PTPRN2: variants seen among roughly 807,000 people sequenced by gnomAD.
The protein encoded by PTPRN2 is receptor-type tyrosine-protein phosphatase N2.
In PTPRN2, 74 loss-of-function variants were observed where a neutral mutation model predicts 118.8. The ratio of observed to expected loss-of-function variants is 0.62; its 90% CI spans 0.52 to 0.76. The LOEUF is 0.76. Ranked by LOEUF, PTPRN2 falls within the 30% of genes least tolerant of loss-of-function variation. PTPRN2 has a pLI of 0.00. For missense variants in PTPRN2, 1,481 were observed against 1,394.4 expected (o/e 1.06, Z -0.99); for synonymous variants, 641 against 608.0 (o/e 1.05, Z -0.80).
chr7:157,791,940 C>T (rs895228339), intron 12 of PTPRN2, among the ~76,000 whole-genome samples: 2 of 152,206 alleles, frequency 1.3e-5, no homozygotes, highest in African/African-American at 4.8e-5. Context: ...AAAATATGTG[C>T]GGCTTTTCCT....
intron 1 of PTPRN2, among the ~76,000 whole-genome samples, chr7:158,511,043 G>A (rs1035024142): frequency 2.0e-5 from 3 of 152,222 alleles, no homozygotes; most frequent in African/African-American, 7.2e-5. Flanking sequence ...ATTTGAATTT[G>A]TTTTTCTCAA....
At chr7:158,469,305 G>T (rs1407582850) in intron 2 of PTPRN2, among the ~76,000 whole-genome samples, 1 of 152,154 alleles carries the variant, frequency 6.6e-6, no homozygotes, top group African/African-American at 2.4e-5. Context: ...GCCAGTGGTG[G>T]TGGCAGGCAC....
At chr7:157,588,093 G>C (rs908388536) in intron 17 of PTPRN2, among the ~76,000 whole-genome samples, 5 of 152,196 alleles carry the variant, frequency 3.3e-5, no homozygotes, top group African/African-American at 1.2e-4. Flanking sequence ...TGTCACATCT[G>C]CAGACATCCA....
chr7:157,857,060 G>A (rs2151219310), intron 12 of PTPRN2, among the ~76,000 whole-genome samples: 1 of 151,958 alleles, frequency 6.6e-6, no homozygotes, highest in South Asian at 2.1e-4. Context: ...CGCCATGAGT[G>A]GGAGTCACAG....
intron 3 of PTPRN2, among the ~76,000 whole-genome samples, chr7:158,277,188 G>A (rs1217269682): frequency 6.6e-6 from 1 of 152,224 alleles, no homozygotes; most frequent in Non-Finnish European, 1.5e-5. Context: ...TCACGTCGCA[G>A]TGGATTTCTC....
chr7:158,411,597 CA>C (rs1814094150), intron 2 of PTPRN2, among the ~76,000 whole-genome samples: 1 of 152,202 alleles, frequency 6.6e-6, no homozygotes, highest in Non-Finnish European at 1.5e-5. Flanking sequence ...AGTCAGAGGG[CA>C]GCATCAGAAC....
intron 2 of PTPRN2, among the ~76,000 whole-genome samples, chr7:158,340,550 G>A (rs189542083): frequency 3.1e-5 from 3 of 95,490 alleles, no homozygotes; most frequent in South Asian, 3.8e-4. Flanking sequence ...GCCCGCAGAG[G>A]TCACTCACAC....
intron 11 of PTPRN2, among the ~76,000 whole-genome samples, chr7:157,982,005 CAAG>C (rs1563295339): frequency 7.1e-6 from 1 of 141,504 alleles, no homozygotes; most frequent in African/African-American, 2.6e-5. Flanking sequence ...GTCATAGAGA[CAAG>C]GAGGGGAATG....
At chr7:158,177,165 A>G (rs1824282705) in intron 5 of PTPRN2, among the ~76,000 whole-genome samples, 1 of 152,196 alleles carries the variant, frequency 6.6e-6, no homozygotes, top group South Asian at 2.1e-4. Context: ...TTAGCCTTTA[A>G]GCAGCTTCCA....
chr7:157,596,444 G>T lies in PTPRN2; in HGVS notation c.2419-1129C>A, dbSNP rs1320842784. ...TGCTAGCTCCAATGGGAGAAGGTTG[G>T]CTTAGAAGACCATAATTATTACATT... On this transcript the variant is annotated intron_variant, in intron 16 of 22. Coordinates refer to ENST00000389418, the MANE Select transcript of PTPRN2 (RefSeq NM_002847.5). The surrounding 1 kb of genome is among the most constrained non-coding windows in gnomAD (Gnocchi z 4.2). Among the ~76,000 whole-genome samples the T allele has an allele frequency of 2.0e-5, 3 of 152,210 alleles. No individual in the cohort carries two copies. Among genetic ancestry groups the T allele is most frequent in the African/African-American group, 7.2e-5 (3 of 41,456 alleles).
intron 13 of PTPRN2, among the ~76,000 whole-genome samples, chr7:157,675,373 C>G (rs373854530): frequency 6.6e-6 from 1 of 152,182 alleles, no homozygotes; most frequent in Non-Finnish European, 1.5e-5. Flanking sequence ...AAGACCTGAC[C>G]TTACCCCCCA....
intron 4 of PTPRN2, among the ~76,000 whole-genome samples, chr7:158,192,879 G>A (rs1009220877): frequency 6.6e-6 from 1 of 152,210 alleles, no homozygotes; most frequent in Non-Finnish European, 1.5e-5. Context: ...GGCATGGGGG[G>A]CCCAAGGCTT....
chr7:158,149,556 C>A (rs528601454), intron 6 of PTPRN2, among the ~76,000 whole-genome samples: 1 of 152,014 alleles, frequency 6.6e-6, no homozygotes, highest in South Asian at 2.1e-4. Context: ...GTAATCCCAG[C>A]ACTTTGGGGT....
chr7:158,482,425 G>A (rs911030551), intron 2 of PTPRN2, among the ~76,000 whole-genome samples: 5 of 152,136 alleles, frequency 3.3e-5, no homozygotes, highest in East Asian at 1.9e-4. Context: ...AAGCAACCAC[G>A]GCCCTGATCA....
At chr7:158,040,727 T>A (rs1563353003) in intron 11 of PTPRN2, among the ~76,000 whole-genome samples, 6 of 112,578 alleles carry the variant, frequency 5.3e-5, no homozygotes, top group Middle Eastern at 3.8e-3. Flanking sequence ...TGCCTTTCTT[T>A]TTTTCTTTCT....
intron 2 of PTPRN2, among the ~76,000 whole-genome samples, chr7:158,321,423 G>A (rs896782): frequency 0.4 from 60,865 of 151,774 alleles, 12,371 homozygotes; most frequent in Middle Eastern, 0.48. Context: ...TCTGTTTCCT[G>A]TGCCATGGCC....
chr7:158,083,337 C>T (rs1307271696), intron 10 of PTPRN2, among the ~76,000 whole-genome samples: 1 of 152,186 alleles, frequency 6.6e-6, no homozygotes, highest in East Asian at 1.9e-4. Context: ...TTAACACAAG[C>T]AGCACTCATG....
chr7:158,057,320 A>G (rs963184310), intron 11 of PTPRN2, among the ~76,000 whole-genome samples: 5 of 152,182 alleles, frequency 3.3e-5, no homozygotes, highest in African/African-American at 1.2e-4. Context: ...ACAGCCTCCC[A>G]TGACTGTTCT....
At chr7:158,312,240 ACACACACCTGCACACG>A (rs1460702273) in intron 3 of PTPRN2, among the ~76,000 whole-genome samples, 1 of 108,702 alleles carries the variant, frequency 9.2e-6, no homozygotes, top group Non-Finnish European at 2.4e-5. Flanking sequence ...ACACACATGC[ACACACACCTGCACACG>A]CACTCACGTG....
Sources: gnomAD v4.1 joint callset for allele counts (sites outside exome capture counted in the v4.1 genomes callset) on GRCh38, gnomAD v4.1.1 for gene constraint, Gnocchi (gnomAD v3.1) non-coding constraint, MANE v1.5 for transcripts, NCBI Gene and HGNC (gene_info 2026-07-23, HGNC 2026-07-21) for gene names.